The following DLG2 variants were observed in gnomAD, a reference collection of about 807,000 sequenced individuals.
DLG2 encodes the protein discs large MAGUK scaffold protein 2.
Under a neutral mutation model 132.5 loss-of-function variants are expected in DLG2, and 45 were observed. That is an observed-to-expected ratio of 0.34 (90% CI 0.27 to 0.44). DLG2 has a LOEUF of 0.44. Ranked by LOEUF, DLG2 falls within the 20% of genes least tolerant of loss-of-function variation. The pLI is 1.00. For missense variants in DLG2, 1,045 were observed against 1,196.9 expected, an observed-to-expected ratio of 0.87 and a Z score of 1.87; for synonymous variants, 424 against 419.6, an observed-to-expected ratio of 1.01 and a Z score of -0.13.
rs144290858 is a variant in DLG2, at chr11:83,799,385, G to C, written c.1723-12593C>G. On this transcript the variant is annotated intron_variant, in intron 17 of 27. Transcript: ENST00000376104. ...ACTCTGGCAACAGTGAGAAACTGGG[G>C]TTAATGAATTAAGTGAGGACAGGGT... Among the ~76,000 whole-genome samples the C allele has an allele frequency of 7.7e-3, 1,169 of 152,314 alleles. 22 individuals carry two copies. Among genetic ancestry groups the C allele is most frequent in the African/African-American group, 0.026 (1,099 of 41,562 alleles).
At chr11:85,117,225 G>T (rs1253865766) in intron 5 of DLG2, among the ~76,000 whole-genome samples, 13 of 152,016 alleles carry the variant, frequency 8.6e-5, no homozygotes, top group Admixed American at 2.6e-4. Flanking sequence ...GGAGATTTAG[G>T]CCCAGAAGGG....
chr11:85,509,484 G>A (rs2094008523), intron 3 of DLG2, among the ~76,000 whole-genome samples: 1 of 152,014 alleles, frequency 6.6e-6, no homozygotes, highest in Non-Finnish European at 1.5e-5. Context: ...CCAGGACGGT[G>A]GAGGGCTCTG....
At chr11:84,047,698 T>C (rs1052634609) in intron 11 of DLG2, among the ~76,000 whole-genome samples, 2 of 151,776 alleles carry the variant, frequency 1.3e-5, no homozygotes, top group Non-Finnish European at 3.0e-5. Flanking sequence ...CAAGGAGCCA[T>C]TGATCATATA....
chr11:84,394,365 T>C (rs1262840076), intron 7 of DLG2, among the ~76,000 whole-genome samples: 1 of 151,726 alleles, frequency 6.6e-6, no homozygotes, highest in Non-Finnish European at 1.5e-5. Flanking sequence ...TGAAAATATC[T>C]TTATTTAGCC....
chr11:83,917,157 T>G (rs2154117293), intron 15 of DLG2, among the ~76,000 whole-genome samples: 1 of 152,294 alleles, frequency 6.6e-6, no homozygotes, highest in East Asian at 1.9e-4. Flanking sequence ...ACCCTCACCT[T>G]GCCAACCACT....
chr11:85,299,797 T>C (rs1361262414), intron 3 of DLG2, among the ~76,000 whole-genome samples: 1 of 152,216 alleles, frequency 6.6e-6, no homozygotes, highest in African/African-American at 2.4e-5. Context: ...TCCCATGCGA[T>C]GCTGGTGTTG....
At chr11:84,556,243 C>T (rs2099411711) in intron 6 of DLG2, among the ~76,000 whole-genome samples, 1 of 152,126 alleles carries the variant, frequency 6.6e-6, no homozygotes, top group African/African-American at 2.4e-5. Flanking sequence ...CAACCATATC[C>T]AGCTTTGAGA....
At chr11:84,787,350 C>T (rs1380066988) in intron 6 of DLG2, among the ~76,000 whole-genome samples, 2 of 152,140 alleles carry the variant, frequency 1.3e-5, no homozygotes, top group Non-Finnish European at 2.9e-5. Flanking sequence ...CCTACTCTAG[C>T]CAAATCCAAT....
intron 6 of DLG2, among the ~76,000 whole-genome samples, chr11:84,906,069 G>A (rs1209625962): frequency 1.3e-5 from 2 of 152,002 alleles, no homozygotes; most frequent in African/African-American, 4.8e-5. Context: ...CTCTAATGGA[G>A]TCACATGGCA....
At chr11:84,200,717 T>A (rs938127465) in intron 8 of DLG2, among the ~76,000 whole-genome samples, 3 of 152,168 alleles carry the variant, frequency 2.0e-5, no homozygotes, top group African/African-American at 7.2e-5. Context: ...CAATTCTGAA[T>A]GGGAGTTCAT....
At chr11:84,503,918 A>G (rs1301225249) in intron 7 of DLG2, among the ~76,000 whole-genome samples, 1 of 152,096 alleles carries the variant, frequency 6.6e-6, no homozygotes, top group Non-Finnish European at 1.5e-5. Context: ...CACTGTGTAC[A>G]GAGATTTCTA....
intron 7 of DLG2, among the ~76,000 whole-genome samples, chr11:84,502,330 CTTTCTTTCTTTCTTTCTTTCTTTCTTTCT>C: frequency 4.9e-5 from 1 of 20,494 alleles, no homozygotes; most frequent in South Asian, 1.5e-3. Flanking sequence ...TTCTTTCTTT[CTTTCTTTCTTTCTTTCTTTCTTTCTTTCT>C]TTCTTTCTTT....
intron 17 of DLG2, among the ~76,000 whole-genome samples, chr11:83,806,379 C>A (rs892058376): frequency 6.6e-6 from 1 of 152,140 alleles, no homozygotes; most frequent in Non-Finnish European, 1.5e-5. Context: ...CAAATTAACT[C>A]TATACACTTT....
chr11:84,021,698 A>AT (rs1446208994), intron 11 of DLG2, among the ~76,000 whole-genome samples: 2 of 152,008 alleles, frequency 1.3e-5, no homozygotes, highest in African/African-American at 2.4e-5. Context: ...ATATTAGCGA[A>AT]TTTTTTAAAC....
At chr11:84,924,088 T>G (rs2092885150) in intron 6 of DLG2, among the ~76,000 whole-genome samples, 1 of 151,584 alleles carries the variant, frequency 6.6e-6, no homozygotes, top group African/African-American at 2.4e-5. Context: ...TCTGCCCCTA[T>G]AAGTCCGTAA....
chr11:84,846,778 A>T (rs181045025), intron 6 of DLG2, among the ~76,000 whole-genome samples: 18 of 152,300 alleles, frequency 1.2e-4, no homozygotes, highest in Admixed American at 1.1e-3. Context: ...CCTAAGCCTT[A>T]AGAAAGCTTG....
At chr11:84,274,603 T>C (rs1201366913) in intron 7 of DLG2, among the ~76,000 whole-genome samples, 1 of 152,174 alleles carries the variant, frequency 6.6e-6, no homozygotes, top group African/African-American at 2.4e-5. Context: ...AATGCCCTTG[T>C]AGTGTTAAAG....
At chr11:84,133,572 T>C (rs981742470) in intron 9 of DLG2, among the ~76,000 whole-genome samples, 3 of 152,044 alleles carry the variant, frequency 2.0e-5, no homozygotes, top group African/African-American at 7.2e-5. Flanking sequence ...TAAAACTACT[T>C]CACTATAAAA....
chr11:85,481,428 G>T (rs1484308684), intron 3 of DLG2, among the ~76,000 whole-genome samples: 1 of 152,144 alleles, frequency 6.6e-6, no homozygotes, highest in Non-Finnish European at 1.5e-5. Flanking sequence ...ACCAAAATAA[G>T]AAAACATGCA....
Sources: gnomAD v4.1 joint callset for allele counts (sites outside exome capture counted in the v4.1 genomes callset) on GRCh38, gnomAD v4.1.1 for gene constraint, MANE v1.5 for transcripts, NCBI Gene and HGNC (gene_info 2026-07-23, HGNC 2026-07-21) for gene names.